KLHL29: variants seen among roughly 807,000 people sequenced by gnomAD.
KLHL29 encodes kelch like family member 29.
A neutral mutation model predicts 80.4 loss-of-function variants in KLHL29; 21 were observed. The ratio of observed to expected loss-of-function variants is 0.26; its 90% confidence interval spans 0.19 to 0.38. The LOEUF is 0.38. Ranked by LOEUF, KLHL29 falls within the 10% of genes least tolerant of loss-of-function variation. The pLI is 1.00. For synonymous variants in KLHL29, 511 were observed against 526.8 expected (o/e 0.97, Z 0.41); for missense variants, 867 against 1,223.9 (o/e 0.71, Z 4.35).
chr2:23,706,430 G>A, intron 13 of KLHL29, 51 bp from the exon 14 acceptor site: 2 of 1,369,346 alleles, frequency 1.5e-6, no homozygotes, highest in South Asian at 3.4e-5. Flanking sequence ...CTATCTCCAG[G>A]GCCAAGTTGG....
At chr2:23,508,340 G>C (rs1665667000) in intron 2 of KLHL29, among the ~76,000 whole-genome samples, 1 of 152,234 alleles carries the variant, frequency 6.6e-6, no homozygotes, top group Non-Finnish European at 1.5e-5. Context: ...CCACCTGCAG[G>C]GGCTGGAGAT....
At chr2:23,665,956 G>T (rs1359956039) in intron 5 of KLHL29, among the ~76,000 whole-genome samples, 1 of 152,188 alleles carries the variant, frequency 6.6e-6, no homozygotes, top group African/African-American at 2.4e-5. Context: ...GCTGTATGCT[G>T]GGTCCATGGG....
chr2:23,570,257 C>T (rs1377838495), intron 3 of KLHL29, among the ~76,000 whole-genome samples: 1 of 152,182 alleles, frequency 6.6e-6, no homozygotes, highest in Non-Finnish European at 1.5e-5. Flanking sequence ...CCTAGCTTCC[C>T]CTCCTCTGCT....
intron 3 of KLHL29, among the ~76,000 whole-genome samples, chr2:23,615,201 C>T (rs960826346): frequency 4.6e-5 from 7 of 152,212 alleles, no homozygotes; most frequent in Non-Finnish European, 8.8e-5. Context: ...CTCACAAGCC[C>T]GGGGGCAGGC....
intron 1 of KLHL29, among the ~76,000 whole-genome samples, chr2:23,455,328 T>G (rs1236658574): frequency 6.6e-6 from 1 of 152,260 alleles, no homozygotes; most frequent in African/African-American, 2.4e-5. Context: ...ACCTCGTGCC[T>G]AAAATATGTT....
In KLHL29 at chr2:23,676,384, G is replaced by A. The variant is rs1004424594; in HGVS notation, c.941-8015G>A. ...TTTTTAGTAAAGACGGGGTTTCACC[G>A]TGTTAGCCAGGATGGTCTTGATCTC... On this transcript the variant is annotated intron_variant, in intron 5 of 13. Transcript: ENST00000486442. Among the ~76,000 whole-genome samples, 15 of 152,264 alleles carry A rather than the reference G, an allele frequency of 9.9e-5. No homozygotes were observed. The East Asian group carries it at 2.5e-3, about 26-fold the overall frequency.
rs1003908771 is a variant in KLHL29, at chr2:23,682,773, C to T, written c.941-1626C>T. On this transcript the variant is annotated intron_variant, in intron 5 of 13. Transcript: ENST00000486442. This position sits in a 1 kb window ranked among gnomAD's most constrained non-coding sequence, Gnocchi z 4.1. ...CCACCCCCCTTGCTCCGGGTCTGAGCTCACCCCACGTAGATCCTTCCTGAA... is the reference window on the plus strand; with the variant it reads ...CCACCCCCCTTGCTCCGGGTCTGAGTTCACCCCACGTAGATCCTTCCTGAA... Among the ~76,000 whole-genome samples, 2 of 152,176 alleles carry T rather than the reference C, an allele frequency of 1.3e-5. No individual in the cohort carries two copies. Among genetic ancestry groups the T allele is most frequent in the African/African-American group, 4.8e-5 (2 of 41,446 alleles).
chr2:23,412,409 G>C (rs1043583529), intron 1 of KLHL29, among the ~76,000 whole-genome samples: 1 of 152,178 alleles, frequency 6.6e-6, no homozygotes, highest in African/African-American at 2.4e-5. Flanking sequence ...TGGGCACTGG[G>C]GGACAGAGAA....
chr2:23,414,296 G>A (rs1400186980), intron 1 of KLHL29, among the ~76,000 whole-genome samples: 1 of 152,208 alleles, frequency 6.6e-6, no homozygotes, highest in Non-Finnish European at 1.5e-5. Flanking sequence ...AGGGAGACTG[G>A]GCAGACAGAG....
chr2:23,410,056 T>C (rs1666824917), intron 1 of KLHL29, among the ~76,000 whole-genome samples: 2 of 152,194 alleles, frequency 1.3e-5, no homozygotes, highest in South Asian at 4.1e-4. Flanking sequence ...GAGGGGAGCA[T>C]GGCACAGGCG....
chr2:23,531,698 C>T (rs766394214), intron 2 of KLHL29, among the ~76,000 whole-genome samples: 20 of 152,184 alleles, frequency 1.3e-4, no homozygotes, highest in African/African-American at 2.2e-4. Context: ...TTCACAAAAC[C>T]GTGGGCCCAT....
chr2:23,552,826 C>G lies in KLHL29; in HGVS notation c.-45-9326C>G, dbSNP rs141589143. 9.9e-3 allele frequency among the ~76,000 whole-genome samples: 1,343 copies of G among 135,624 alleles called. 4 individuals are homozygous for G. The highest frequency in any genetic ancestry group is 0.013 in the Non-Finnish European group (865 of 65,940). 89.0% of individuals were successfully genotyped at this position (135,624 alleles called of 152,430 possible). A position where few individuals can be genotyped will look rare whatever the true frequency, so the allele number is the denominator to read the frequency against. ...CCAGGCTGAAGTGCAATGGCACAAT[C>G]TCGGCTCACTGCAACCTCCGCCTCC... On this transcript the variant is annotated intron_variant, in intron 2 of 13. Coordinates refer to ENST00000486442, the MANE Select transcript of KLHL29 (RefSeq NM_052920.2).
At chr2:23,538,512 C>T (rs544579150) in intron 2 of KLHL29, among the ~76,000 whole-genome samples, 3 of 152,350 alleles carry the variant, frequency 2.0e-5, no homozygotes, top group East Asian at 1.9e-4. Flanking sequence ...ATCCCAGCCT[C>T]TCTCTGCCAT....
At chr2:23,494,353 T>C (rs1665193958) in intron 2 of KLHL29, among the ~76,000 whole-genome samples, 1 of 152,198 alleles carries the variant, frequency 6.6e-6, no homozygotes. Flanking sequence ...AATGAAGGTC[T>C]GGGAAGCTGG....
intron 3 of KLHL29, among the ~76,000 whole-genome samples, chr2:23,622,657 C>A: frequency 6.6e-6 from 1 of 152,234 alleles, no homozygotes; most frequent in South Asian, 2.1e-4. Flanking sequence ...GTCTTTCCTT[C>A]ACAGCCCAGC....
chr2:23,510,325 A>G (rs1178047058), intron 2 of KLHL29, among the ~76,000 whole-genome samples: 1 of 151,934 alleles, frequency 6.6e-6, no homozygotes, highest in African/African-American at 2.4e-5. Flanking sequence ...CTGCTGAGCC[A>G]CCTCCTCATT....
At chr2:23,650,497 A>G (rs1670061246) in intron 5 of KLHL29, among the ~76,000 whole-genome samples, 1 of 152,198 alleles carries the variant, frequency 6.6e-6, no homozygotes, top group Admixed American at 6.5e-5. Context: ...TGCTCGGGCT[A>G]CTTAGCTGAC....
intron 1 of KLHL29, among the ~76,000 whole-genome samples, chr2:23,431,452 C>G (rs1663172954): frequency 6.6e-6 from 1 of 152,238 alleles, no homozygotes; most frequent in Admixed American, 6.5e-5. Context: ...GCAGCCCCAC[C>G]TCTGCCGTCT....
intron 3 of KLHL29, among the ~76,000 whole-genome samples, chr2:23,627,924 T>TTTTTTG (rs1558414555): frequency 6.7e-6 from 1 of 149,934 alleles, no homozygotes. Flanking sequence ...TTTTTTTTTT[T>TTTTTTG]GAGATGGAGT....
Sources: gnomAD v4.1 joint callset for allele counts (sites outside exome capture counted in the v4.1 genomes callset) on GRCh38, gnomAD v4.1.1 for gene constraint, Gnocchi (gnomAD v3.1) non-coding constraint, MANE v1.5 for transcripts, NCBI Gene and HGNC (gene_info 2026-07-23, HGNC 2026-07-21) for gene names.